The following SLC39A11 variants were observed in gnomAD, a reference collection of about 807,000 sequenced individuals.
SLC39A11 encodes the protein zinc transporter ZIP11.
In SLC39A11, 33 loss-of-function variants were observed where a neutral mutation model predicts 36.1. The ratio of observed to expected loss-of-function variants is 0.91; its 90% CI spans 0.69 to 1.22. The LOEUF is 1.22. SLC39A11 is among the 50% of genes most tolerant of loss of function. The pLI is 0.00. For synonymous variants in SLC39A11, 166 were observed against 170.3 expected (o/e 0.97, Z 0.20); for missense variants, 432 against 430.3 (o/e 1.00, Z -0.03).
chr17:73,028,273 A>C (rs2058626714), intron 4 of SLC39A11, among the ~76,000 whole-genome samples: 1 of 152,116 alleles, frequency 6.6e-6, no homozygotes. Context: ...TTAGACTATA[A>C]ACGCGTGGGT....
intron 7 of SLC39A11, among the ~76,000 whole-genome samples, chr17:72,659,405 AT>A (rs2070305217): frequency 1.3e-5 from 2 of 152,156 alleles, no homozygotes; most frequent in Admixed American, 1.3e-4. Flanking sequence ...GGGGAAATGC[AT>A]TTCATCCAGA....
At chr17:73,090,149 A>T (rs576126359) in intron 1 of SLC39A11, among the ~76,000 whole-genome samples, 1 of 152,188 alleles carries the variant, frequency 6.6e-6, no homozygotes, top group Non-Finnish European at 1.5e-5. Context: ...CAAGAGCTGA[A>T]GACGCTGCCT....
intron 1 of SLC39A11, among the ~76,000 whole-genome samples, chr17:73,089,250 G>T (rs1447635593): frequency 6.6e-6 from 1 of 152,058 alleles, no homozygotes; most frequent in Non-Finnish European, 1.5e-5. Context: ...ATCTGCAACA[G>T]CGCACCTGCC....
chr17:72,844,821 A>C (rs2078980195), intron 6 of SLC39A11, among the ~76,000 whole-genome samples: 1 of 152,170 alleles, frequency 6.6e-6, no homozygotes, highest in South Asian at 2.1e-4. Flanking sequence ...CAAACCTCAC[A>C]ATCAAAAAAC....
chr17:72,938,987 G>A (rs555616783), intron 5 of SLC39A11, among the ~76,000 whole-genome samples: 5 of 152,276 alleles, frequency 3.3e-5, no homozygotes, highest in East Asian at 1.9e-4. Context: ...GCCAGGACTC[G>A]TCCTCTTGCT....
intron 3 of SLC39A11, among the ~76,000 whole-genome samples, chr17:73,050,628 G>A (rs1261928239): frequency 2.0e-5 from 3 of 151,906 alleles, no homozygotes; most frequent in Non-Finnish European, 2.9e-5. Context: ...CACACCCAGC[G>A]AATTTTTATA....
intron 5 of SLC39A11, among the ~76,000 whole-genome samples, chr17:72,854,303 G>C (rs1403703537): frequency 6.6e-6 from 1 of 151,610 alleles, no homozygotes; most frequent in Non-Finnish European, 1.5e-5. Context: ...GGTTGACTGG[G>C]GATGAAGTGG....
chr17:72,705,607 G>T (rs986226034), intron 7 of SLC39A11, among the ~76,000 whole-genome samples: 7 of 152,166 alleles, frequency 4.6e-5, no homozygotes, highest in African/African-American at 1.7e-4. Context: ...AGCAGACAGA[G>T]GGCTACCTAA....
intron 4 of SLC39A11, among the ~76,000 whole-genome samples, chr17:72,964,912 C>T (rs539455926): frequency 3.9e-5 from 6 of 152,322 alleles, no homozygotes; most frequent in African/African-American, 1.4e-4. Flanking sequence ...CCATGGAATA[C>T]TACGCAGCCA....
intron 6 of SLC39A11, among the ~76,000 whole-genome samples, chr17:72,738,100 G>T (rs554092042): frequency 6.6e-6 from 1 of 152,266 alleles, no homozygotes; most frequent in African/African-American, 2.4e-5. Flanking sequence ...CGCCTCCCGG[G>T]TTCACGCCAT....
chr17:72,718,313 C>T (rs2073497046), intron 7 of SLC39A11, among the ~76,000 whole-genome samples: 1 of 152,118 alleles, frequency 6.6e-6, no homozygotes, highest in African/African-American at 2.4e-5. Flanking sequence ...GTGGCAGGCG[C>T]CTGTAATCCC....
At chr17:72,938,325 T>C (rs1191137623) in intron 5 of SLC39A11, among the ~76,000 whole-genome samples, 1 of 152,158 alleles carries the variant, frequency 6.6e-6, no homozygotes, top group Non-Finnish European at 1.5e-5. Context: ...TTAGCGCTGT[T>C]CTGTACTTCA....
chr17:73,088,564 GAA>G (rs771108811), intron 2 of SLC39A11, 91 bp downstream of exon 2: 130 of 984,818 alleles, frequency 1.3e-4, no homozygotes, highest in Non-Finnish European at 1.9e-4. Flanking sequence ...CAGGGGCACT[GAA>G]AAGTCTACAA....
At chr17:72,769,486 A>G (rs1221490400) in intron 6 of SLC39A11, among the ~76,000 whole-genome samples, 1 of 152,008 alleles carries the variant, frequency 6.6e-6, no homozygotes, top group African/African-American at 2.4e-5. Flanking sequence ...CTTAAGACAA[A>G]CCCGCCTCCC....
intron 7 of SLC39A11, among the ~76,000 whole-genome samples, chr17:72,706,467 C>T (rs1193433291): frequency 2.6e-5 from 4 of 152,064 alleles, no homozygotes; most frequent in Non-Finnish European, 5.9e-5. Context: ...CTGTAGTGTT[C>T]CTAAAGAATT....
chr17:72,655,208 C>A (rs1158021972), intron 7 of SLC39A11, among the ~76,000 whole-genome samples: 1 of 152,244 alleles, frequency 6.6e-6, no homozygotes, highest in Non-Finnish European at 1.5e-5. Context: ...CCTAACTGGG[C>A]TCTCCTCCAC....
At chr17:72,959,325 G>GTGTGTGTGTGTGTGTGTGTGTA (rs1436484912) in intron 4 of SLC39A11, among the ~76,000 whole-genome samples, 3 of 65,544 alleles carry the variant, frequency 4.6e-5, no homozygotes, top group Admixed American at 1.9e-4. Context: ...GTGTGTGTGT[G>GTGTGTGTGTGTGTGTGTGTGTA]TATATATATA....
chr17:72,746,836 T>C lies in SLC39A11; in HGVS notation c.602-10117A>G, dbSNP rs186052633. Reference sequence around the variant, plus strand: ...ATGAGATGGGAGGATCACTTGAAGCTAAGAGTTTGAGACCAGCCAGGACAA... The same window carrying C: ...ATGAGATGGGAGGATCACTTGAAGCCAAGAGTTTGAGACCAGCCAGGACAA... On this transcript the variant is annotated intron_variant, in intron 6 of 9. Transcript: ENST00000255559. Among the ~76,000 whole-genome samples the C allele has an allele frequency of 1.1e-3, 173 of 152,124 alleles. 2 individuals carry two copies. Among genetic ancestry groups the C allele is most frequent in the Middle Eastern group, 6.8e-3 (2 of 294 alleles).
intron 6 of SLC39A11, among the ~76,000 whole-genome samples, chr17:72,831,418 C>T (rs184533511): frequency 2.0e-5 from 3 of 152,320 alleles, no homozygotes; most frequent in African/African-American, 4.8e-5. Flanking sequence ...CAAGCAGGCT[C>T]GTGTCCATGA....
Sources: allele counts gnomAD v4.1 joint callset (sites outside exome capture counted in the v4.1 genomes callset), GRCh38; gene constraint gnomAD v4.1.1; transcripts MANE v1.5; gene names NCBI Gene and HGNC (gene_info 2026-07-23, HGNC 2026-07-21).